LARP4B: variants seen among roughly 807,000 people sequenced by gnomAD.
The protein encoded by LARP4B is La ribonucleoprotein 4B.
In LARP4B, 12 loss-of-function variants were observed where a neutral mutation model predicts 89.8. The ratio of observed to expected loss-of-function variants is 0.13; its 90% CI spans 0.09 to 0.22. The LOEUF is 0.22. Ranked by LOEUF, LARP4B falls within the 10% of genes least tolerant of loss-of-function variation. LARP4B has a pLI of 1.00. For synonymous variants in LARP4B, 367 were observed against 363.3 expected, an observed-to-expected ratio of 1.01 and a Z score of -0.12; for missense variants, 757 against 947.7, an observed-to-expected ratio of 0.80 and a Z score of 2.64.
intron 5 of LARP4B, 73 bp from the exon 6 acceptor site, chr10:845,128 T>A: frequency 9.7e-7 from 1 of 1,029,668 alleles, no homozygotes; most frequent in South Asian, 1.4e-5. Context: ...GTACAGCAGT[T>A]CTAATGCTTT....
intron 1 of LARP4B, among the ~76,000 whole-genome samples, chr10:909,542 T>TG (rs1222168195): frequency 6.6e-6 from 1 of 152,014 alleles, no homozygotes; most frequent in Non-Finnish European, 1.5e-5. Flanking sequence ...CCTGGCACTT[T>TG]GGGGGGCCAA....
chr10:860,325 G>C (rs189481451), intron 5 of LARP4B, among the ~76,000 whole-genome samples: 3 of 152,280 alleles, frequency 2.0e-5, no homozygotes, highest in East Asian at 3.9e-4. Flanking sequence ...GACTGACCCT[G>C]AGGTCATAAG....
chr10:916,584 A>G (rs1001546760), intron 1 of LARP4B, among the ~76,000 whole-genome samples: 2 of 152,320 alleles, frequency 1.3e-5, no homozygotes, highest in African/African-American at 4.8e-5. Flanking sequence ...AATCCCAGAT[A>G]CTTGGGAGGC....
the LARP4B span, among the ~76,000 whole-genome samples, chr10:967,246 C>T: frequency 6.6e-6 from 1 of 152,164 alleles, no homozygotes; most frequent in South Asian, 2.1e-4. Context: ...GGGCGCAGCG[C>T]AGGGAGGACA....
intron 1 of LARP4B, among the ~76,000 whole-genome samples, chr10:891,810 CCA>C (rs1428505648): frequency 6.6e-6 from 1 of 152,140 alleles, no homozygotes; most frequent in Admixed American, 6.6e-5. Flanking sequence ...ATAAAGTTTT[CCA>C]ACAGAAGGGA....
chr10:862,577 G>A (rs773313867), intron 5 of LARP4B, among the ~76,000 whole-genome samples: 68 of 152,234 alleles, frequency 4.5e-4, no homozygotes, highest in Non-Finnish European at 8.5e-4. Context: ...TGGCTAACAT[G>A]GTGAAACCCC....
At chr10:934,686 G>C (rs1466820603), upstream of LARP4B, among the ~76,000 whole-genome samples, 1 of 151,748 alleles carries the variant, frequency 6.6e-6, no homozygotes, top group African/African-American at 2.4e-5. Flanking sequence ...CATTTTCATG[G>C]CATCTCTCCT....
chr10:909,785 C>A (rs1290742733), intron 1 of LARP4B, among the ~76,000 whole-genome samples: 1 of 149,826 alleles, frequency 6.7e-6, no homozygotes, highest in Non-Finnish European at 1.5e-5. Context: ...AACTCCATCT[C>A]TAAAAAAAAA....
At chr10:857,531 C>A (rs1016394737) in intron 5 of LARP4B, among the ~76,000 whole-genome samples, 10 of 152,294 alleles carry the variant, frequency 6.6e-5, no homozygotes, top group Non-Finnish European at 1.5e-4. Context: ...CAAGTGGGAG[C>A]ACTCTTTGGT....
intron 8 of LARP4B, among the ~76,000 whole-genome samples, chr10:835,356 G>A (rs765416033): frequency 4.6e-5 from 7 of 152,168 alleles, no homozygotes; most frequent in Non-Finnish European, 8.8e-5. Flanking sequence ...GAACCGCAAC[G>A]TCCATCTCCT....
chr10:966,266 C>T, the LARP4B span, among the ~76,000 whole-genome samples: 1 of 152,002 alleles, frequency 6.6e-6, no homozygotes. Context: ...ACCAGCCTGG[C>T]TAACATAGTG....
intron 5 of LARP4B, 62 bp from the exon 6 acceptor site, chr10:845,117 A>G: frequency 8.4e-7 from 1 of 1,196,640 alleles, no homozygotes; most frequent in Non-Finnish European, 1.2e-6. Context: ...CAGATAATTC[A>G]GTACAGCAGT....
At chr10:878,183 G>A (rs1835529860) in intron 3 of LARP4B, among the ~76,000 whole-genome samples, 1 of 152,224 alleles carries the variant, frequency 6.6e-6, no homozygotes, top group South Asian at 2.1e-4. Flanking sequence ...GAGGACAGGT[G>A]CCAGACTACG....
intron 1 of LARP4B, among the ~76,000 whole-genome samples, chr10:908,291 C>T (rs1185680222): frequency 6.6e-6 from 1 of 152,168 alleles, no homozygotes; most frequent in African/African-American, 2.4e-5. Context: ...AGTGGCAGCC[C>T]AAAGAGGGCA....
intron 1 of LARP4B, among the ~76,000 whole-genome samples, chr10:930,519 G>T (rs998210053): frequency 6.6e-6 from 1 of 152,158 alleles, no homozygotes; most frequent in African/African-American, 2.4e-5. Flanking sequence ...AACGTTTTAC[G>T]TAAAAATAAG....
chr10:824,775 G>A (rs995677525), intron 13 of LARP4B, among the ~76,000 whole-genome samples: 2 of 152,248 alleles, frequency 1.3e-5, no homozygotes, highest in African/African-American at 2.4e-5. Flanking sequence ...GGTGAGCCAG[G>A]GGTGCTGCCA....
chr10:871,420 A>T (rs553294600), intron 3 of LARP4B, among the ~76,000 whole-genome samples: 1 of 152,030 alleles, frequency 6.6e-6, no homozygotes, highest in Non-Finnish European at 1.5e-5. Flanking sequence ...CACGCTCCAC[A>T]CAAGTTTGGT....
the LARP4B span, among the ~76,000 whole-genome samples, chr10:947,485 C>T: frequency 4.6e-5 from 7 of 152,024 alleles, no homozygotes; most frequent in Non-Finnish European, 8.8e-5. Flanking sequence ...CAGCCTGCTA[C>T]GACAGAACAA....
chr10:976,541 G>C, the LARP4B span, among the ~76,000 whole-genome samples: 1 of 149,570 alleles, frequency 6.7e-6, no homozygotes, highest in Non-Finnish European at 1.5e-5. Context: ...CGGCCTAGTA[G>C]AAGGTAGGTG....
Sources: allele counts gnomAD v4.1 joint callset (sites outside exome capture counted in the v4.1 genomes callset), GRCh38; gene constraint gnomAD v4.1.1; transcripts MANE v1.5; gene names NCBI Gene and HGNC (gene_info 2026-07-23, HGNC 2026-07-21).